CSMD1: variants seen among roughly 807,000 people sequenced by gnomAD.
The protein encoded by CSMD1 is CUB and Sushi multiple domains 1, also known as CUB and sushi domain-containing protein 1.
In CSMD1, 213 loss-of-function variants were observed where a neutral mutation model predicts 417.5. The ratio of observed to expected loss-of-function variants is 0.51; its 90% CI spans 0.46 to 0.57. The LOEUF (loss-of-function observed/expected upper bound fraction) is 0.57. Ranked by LOEUF, CSMD1 falls within the 20% of genes least tolerant of loss-of-function variation. The pLI, the probability that CSMD1 is intolerant of heterozygous loss-of-function variation, is 0.00. For missense variants in CSMD1, 6,923 were observed against 4,529.7 expected, an observed-to-expected ratio of 1.53 and a Z score of -15.17; for synonymous variants, 2,862 against 1,736.8, an observed-to-expected ratio of 1.65 and a Z score of -16.11.
In CSMD1 at chr8:4,359,821, A is replaced by G. The variant is rs558917843; in HGVS notation, c.415+60132T>C. On this transcript the variant is annotated intron_variant, in intron 3 of 69. Transcript: ENST00000635120. ...TACAGGCTAGTTGCAGGAACCCACC[A>G]TCTCTCCTACTGTCGGAAGCAAGAC... Among the ~76,000 whole-genome samples the G allele has an allele frequency of 2.0e-5, 3 of 152,316 alleles. No individual in the cohort carries two copies. The South Asian group carries it at 6.2e-4, about 32-fold the overall frequency.
chr8:4,919,646 C>G (rs1475190960), intron 1 of CSMD1, among the ~76,000 whole-genome samples: 1 of 152,194 alleles, frequency 6.6e-6, no homozygotes, highest in Non-Finnish European at 1.5e-5. Flanking sequence ...AATATCGATA[C>G]TCCAGTACAT....
intron 2 of CSMD1, among the ~76,000 whole-genome samples, chr8:4,504,895 G>T (rs148986383): frequency 6.6e-6 from 1 of 152,112 alleles, no homozygotes; most frequent in African/African-American, 2.4e-5. Context: ...ATGGGCATTT[G>T]GGTTGGTTCC....
intron 1 of CSMD1, among the ~76,000 whole-genome samples, chr8:4,883,250 G>C (rs867458141): frequency 6.6e-6 from 1 of 152,040 alleles, no homozygotes; most frequent in African/African-American, 2.4e-5. Flanking sequence ...GATCAGATAA[G>C]AGAATGATGA....
chr8:3,025,669 G>C (rs116857677), intron 51 of CSMD1, among the ~76,000 whole-genome samples: 15 of 152,268 alleles, frequency 9.9e-5, no homozygotes, highest in African/African-American at 3.6e-4. Context: ...CTTTGACAAA[G>C]TTAATGCAGA....
intron 54 of CSMD1, among the ~76,000 whole-genome samples, chr8:2,984,390 C>G (rs1469187422): frequency 6.6e-6 from 1 of 151,932 alleles, no homozygotes; most frequent in Admixed American, 6.6e-5. Context: ...GCTCTGTTGC[C>G]CAGGCTGGAG....
intron 5 of CSMD1, among the ~76,000 whole-genome samples, chr8:3,877,073 G>C (rs540388915): frequency 6.6e-6 from 1 of 152,276 alleles, no homozygotes; most frequent in South Asian, 2.1e-4. Context: ...AATGTCTTAA[G>C]GTTCTTACAA....
At chr8:3,005,251 C>T (rs1807784084) in intron 52 of CSMD1, among the ~76,000 whole-genome samples, 1 of 152,178 alleles carries the variant, frequency 6.6e-6, no homozygotes, top group South Asian at 2.1e-4. Context: ...GAACGTCTTT[C>T]CTGAGTTACA....
chr8:4,323,291 A>C (rs1343015094), intron 3 of CSMD1, among the ~76,000 whole-genome samples: 1 of 152,166 alleles, frequency 6.6e-6, no homozygotes, highest in Non-Finnish European at 1.5e-5. Context: ...CAACAGACTT[A>C]TTTCACACAG....
At chr8:4,018,615 G>C (rs1449863512) in intron 4 of CSMD1, among the ~76,000 whole-genome samples, 2 of 152,158 alleles carry the variant, frequency 1.3e-5, no homozygotes, top group Non-Finnish European at 2.9e-5. Flanking sequence ...AGACTATTCA[G>C]GATTCAAGCA....
chr8:3,773,228 A>C (rs2129059960), intron 5 of CSMD1, among the ~76,000 whole-genome samples: 1 of 152,322 alleles, frequency 6.6e-6, no homozygotes, highest in South Asian at 2.1e-4. Context: ...TCTGTCACCA[A>C]AGTGTGAAAC....
chr8:4,031,993 G>T lies in CSMD1; in HGVS notation c.522C>A (p.Gly174=). 6.2e-7 allele frequency: 1 copy of T among 1,613,926 alleles called. No homozygotes were observed. Among genetic ancestry groups the T allele is most frequent in the Non-Finnish European group, 8.5e-7 (1 of 1,179,836 alleles). The change falls in exon 4 of 70, where the codon GGC becomes GGA. Residue 174 remains glycine, a synonymous_variant. Coordinates refer to ENST00000635120, the MANE Select transcript of CSMD1 (RefSeq NM_033225.6). ...GDKIRYSCLP[G]YILEGHAILT... ...GGATGGCGTGGCCTTCCAAGATGTA[G>T]CCAGGGAGGCAGCTGTACCGGATTT... is the stretch of plus-strand genomic sequence containing the variant.
intron 3 of CSMD1, among the ~76,000 whole-genome samples, chr8:4,379,261 A>T (rs1056334521): frequency 6.6e-6 from 1 of 152,210 alleles, no homozygotes; most frequent in African/African-American, 2.4e-5. Flanking sequence ...GGACTTTTTA[A>T]AAAATAGGTG....
intron 3 of CSMD1, among the ~76,000 whole-genome samples, chr8:4,073,235 G>C (rs1251199425): frequency 6.6e-6 from 1 of 152,092 alleles, no homozygotes; most frequent in African/African-American, 2.4e-5. Flanking sequence ...AAAGCAATAG[G>C]TGCATTAAAT....
intron 10 of CSMD1, among the ~76,000 whole-genome samples, chr8:3,530,301 A>T (rs1442733471): frequency 6.6e-6 from 1 of 152,142 alleles, no homozygotes; most frequent in Non-Finnish European, 1.5e-5. Context: ...ACAGCTACAA[A>T]TGTCCCTCTT....
chr8:3,034,112 G>A (rs1242275126), intron 50 of CSMD1, among the ~76,000 whole-genome samples: 1 of 152,186 alleles, frequency 6.6e-6, no homozygotes, highest in Non-Finnish European at 1.5e-5. Flanking sequence ...TGGATTTGAA[G>A]GCTGCCTGAT....
intron 51 of CSMD1, among the ~76,000 whole-genome samples, chr8:3,026,227 A>T (rs981602285): frequency 9.9e-5 from 15 of 152,244 alleles, no homozygotes; most frequent in African/African-American, 3.4e-4. Context: ...GGAGCTTAGT[A>T]TTTCCCCATC....
chr8:3,829,431 C>T (rs934007986), intron 5 of CSMD1, among the ~76,000 whole-genome samples: 4 of 152,116 alleles, frequency 2.6e-5, no homozygotes, highest in South Asian at 2.1e-4. Flanking sequence ...AAGTCAATAC[C>T]GGTTCCACAT....
At chr8:3,325,333 TCATAA>T (rs1315348453) in intron 23 of CSMD1, among the ~76,000 whole-genome samples, 3 of 152,234 alleles carry the variant, frequency 2.0e-5, no homozygotes, top group African/African-American at 7.2e-5. Context: ...ATCGCTCCTA[TCATAA>T]CATTTTAGAT....
At chr8:4,651,387 A>G (rs1354314901) in intron 1 of CSMD1, among the ~76,000 whole-genome samples, 1 of 152,136 alleles carries the variant, frequency 6.6e-6, no homozygotes, top group Non-Finnish European at 1.5e-5. Flanking sequence ...GCATTCCTCC[A>G]CTGCTGTGCT....
Sources: gnomAD v4.1 joint callset for allele counts (sites outside exome capture counted in the v4.1 genomes callset) on GRCh38, gnomAD v4.1.1 for gene constraint, MANE v1.5 for transcripts, NCBI Gene and HGNC (gene_info 2026-07-23, HGNC 2026-07-21) for gene names.